Variants in CNTN1 observed in about 807,000 individuals in gnomAD.
CNTN1 encodes contactin-1.
Under a neutral mutation model 126.4 loss-of-function variants are expected in CNTN1, and 38 were observed. The observed-to-expected ratio is 0.30, with a 90% confidence interval of 0.23 to 0.39. The LOEUF (loss-of-function observed/expected upper bound fraction) is 0.39, where lower values mean the gene tolerates loss of function less well. CNTN1 is among the 10% of genes least tolerant of loss of function. The probability of loss-of-function intolerance (pLI) is 1.00; values close to 1 mark genes in which losing one functional copy is unlikely to be tolerated. For synonymous variants in CNTN1, 413 were observed against 422.6 expected, an observed-to-expected ratio of 0.98 and a Z score of 0.28; for missense variants, 1,009 against 1,248.4, an observed-to-expected ratio of 0.81 and a Z score of 2.89.
chr12:40,783,515 T>A (rs1330087751), intron 1 of CNTN1, among the ~76,000 whole-genome samples: 1 of 152,092 alleles, frequency 6.6e-6, no homozygotes, highest in Admixed American at 6.6e-5. Flanking sequence ...ACTCCCTTGA[T>A]AATGCAAATT....
intron 16 of CNTN1, among the ~76,000 whole-genome samples, chr12:40,981,400 T>G (rs943680022): frequency 7.2e-5 from 11 of 152,118 alleles, no homozygotes; most frequent in African/African-American, 2.7e-4. Flanking sequence ...CAAATAGCAT[T>G]TATAGCATAG....
chr12:40,812,801 A>C (rs1941114321), intron 1 of CNTN1, among the ~76,000 whole-genome samples: 1 of 152,094 alleles, frequency 6.6e-6, no homozygotes, highest in Non-Finnish European at 1.5e-5. Context: ...TCTTGTAGGT[A>C]GCATCTAGTT....
chr12:41,021,635 CT>C (rs34166721), intron 20 of CNTN1, among the ~76,000 whole-genome samples: 11,619 of 132,506 alleles, frequency 0.088, 440 homozygotes, highest in African/African-American at 0.14. Flanking sequence ...CAACAGGAAG[CT>C]TTTTTTTTTT....
At chr12:40,957,486 A>C (rs1946931216) in intron 14 of CNTN1, among the ~76,000 whole-genome samples, 1 of 149,896 alleles carries the variant, frequency 6.7e-6, no homozygotes, top group Non-Finnish European at 1.5e-5. Context: ...CAGCTCCTTC[A>C]GTTGTTCAGT....
At chr12:40,837,936 C>T (rs1942122825) in intron 1 of CNTN1, among the ~76,000 whole-genome samples, 2 of 152,248 alleles carry the variant, frequency 1.3e-5, no homozygotes, top group South Asian at 4.1e-4. Context: ...GTGTTTTCTA[C>T]CAGCTATGGC....
intron 1 of CNTN1, among the ~76,000 whole-genome samples, chr12:40,751,297 C>T (rs1174822246): frequency 6.6e-6 from 1 of 152,006 alleles, no homozygotes; most frequent in Non-Finnish European, 1.5e-5. Context: ...ATAGTTTAAA[C>T]TGAGTCAGAG....
At chr12:41,037,633 A>G (rs569866537) in intron 23 of CNTN1, among the ~76,000 whole-genome samples, 1 of 151,612 alleles carries the variant, frequency 6.6e-6, no homozygotes, top group East Asian at 1.9e-4. Flanking sequence ...TAGAAAATAC[A>G]TTGATGTTTA....
rs1347358969 is a variant in CNTN1 at position 40,737,283 on chromosome 12, A to ATG, written c.-77+44692_-77+44693insGT. On this transcript the variant is annotated intron_variant, in intron 1 of 23. Coordinates refer to ENST00000551295, the MANE Select transcript of CNTN1 (RefSeq NM_001843.4). ...TAGAGGGACAGAACTAATAGGATATATATGTGTGTGTGTGTGTGTGTGTAT... is the reference window on the plus strand; with the variant it reads ...TAGAGGGACAGAACTAATAGGATATATGTATGTGTGTGTGTGTGTGTGTGTAT... Among the ~76,000 whole-genome samples, 79 of 23,852 alleles carry ATG rather than the reference A, an allele frequency of 3.3e-3. No homozygotes were observed. The East Asian group carries it at 0.071, about 22-fold the overall frequency. 15.6% of individuals were successfully genotyped at this position (23,852 alleles called of 152,430 possible).
Position 40,942,353 on chromosome 12 carries a change from G to T in CNTN1, c.1380-1244G>T, listed in dbSNP as rs143249493. On this transcript the variant is annotated intron_variant, in intron 12 of 23. Coordinates refer to ENST00000551295, the MANE Select transcript of CNTN1 (RefSeq NM_001843.4). ...GGAAAAGTATTTTACTGAGATACAG[G>T]TCTGATCCCAGATGAAGGACAGAGG... 5.6e-4 allele frequency among the ~76,000 whole-genome samples: 85 copies of T among 152,220 alleles called. 1 individual carries two copies. Among genetic ancestry groups the T allele is most frequent in the African/African-American group, 1.9e-3 (78 of 41,550 alleles).
intron 1 of CNTN1, among the ~76,000 whole-genome samples, chr12:40,815,622 C>G (rs1050526744): frequency 6.6e-6 from 1 of 152,090 alleles, no homozygotes; most frequent in African/African-American, 2.4e-5. Flanking sequence ...TCCTCTATTC[C>G]TATTTGGACA....
intron 1 of CNTN1, among the ~76,000 whole-genome samples, chr12:40,778,005 A>G (rs761407588): frequency 6.6e-6 from 1 of 151,910 alleles, no homozygotes; most frequent in Non-Finnish European, 1.5e-5. Flanking sequence ...TAAAGGGGCA[A>G]TGAAAACACT....
intron 16 of CNTN1, among the ~76,000 whole-genome samples, chr12:40,985,259 A>G (rs1947929743): frequency 6.6e-6 from 1 of 151,814 alleles, no homozygotes; most frequent in African/African-American, 2.4e-5. Context: ...TTTCTATTCT[A>G]TTTGCTGAAA....
intron 7 of CNTN1, among the ~76,000 whole-genome samples, chr12:40,932,672 T>G (rs1425839680): frequency 6.6e-6 from 1 of 151,944 alleles, no homozygotes; most frequent in Non-Finnish European, 1.5e-5. Flanking sequence ...ACTGGTCCAA[T>G]TTAAATGCCA....
intron 1 of CNTN1, among the ~76,000 whole-genome samples, chr12:40,822,757 T>C (rs1020321529): frequency 1.3e-5 from 2 of 152,136 alleles, no homozygotes; most frequent in Non-Finnish European, 2.9e-5. Flanking sequence ...TTCTTCCAAA[T>C]TTTATTTTAG....
intron 15 of CNTN1, chr12:40,971,406 C>G: frequency 6.3e-7 from 1 of 1,581,812 alleles, no homozygotes; most frequent in Non-Finnish European, 8.6e-7. Flanking sequence ...CCACACTCTC[C>G]CTTCAGCCTT....
chr12:41,039,448 C>A (rs879024058), intron 23 of CNTN1, among the ~76,000 whole-genome samples: 2 of 152,110 alleles, frequency 1.3e-5, no homozygotes, highest in Admixed American at 6.6e-5. Flanking sequence ...GACAGACCAG[C>A]ACAATCATCT....
At chr12:40,969,939 G>A (rs928171088) in intron 15 of CNTN1, among the ~76,000 whole-genome samples, 7 of 152,092 alleles carry the variant, frequency 4.6e-5, no homozygotes, top group African/African-American at 9.7e-5. Context: ...ATGGTCTAAC[G>A]TCCGTCACTC....
At chr12:40,982,811 G>A (rs1032659915) in intron 16 of CNTN1, among the ~76,000 whole-genome samples, 4 of 151,992 alleles carry the variant, frequency 2.6e-5, no homozygotes, top group African/African-American at 4.8e-5. Flanking sequence ...AGAAACAACA[G>A]AAAAGAGGAA....
chr12:40,841,897 A>T (rs1440031544), intron 1 of CNTN1, among the ~76,000 whole-genome samples: 1 of 152,086 alleles, frequency 6.6e-6, no homozygotes, highest in South Asian at 2.1e-4. Context: ...CATCACTCCT[A>T]TTCCACATAG....
Sources: allele counts gnomAD v4.1 joint callset (sites outside exome capture counted in the v4.1 genomes callset), GRCh38; gene constraint gnomAD v4.1.1; transcripts MANE v1.5; gene names NCBI Gene and HGNC (gene_info 2026-07-23, HGNC 2026-07-21).